Variants in PHC3 observed in about 807,000 individuals in gnomAD.
PHC3 encodes polyhomeotic-like protein 3.
PHC3 carries 13 observed loss-of-function variants against 107.4 expected under a neutral mutation model. The ratio of observed to expected loss-of-function variants is 0.12; its 90% CI spans 0.08 to 0.19. The LOEUF is 0.19. Among genes scored for constraint, PHC3 ranks in the 10% least tolerant of loss-of-function variants. PHC3 has a pLI of 1.00. For missense variants in PHC3, 992 were observed against 1,210.9 expected (o/e 0.82, Z 2.68); for synonymous variants, 456 against 427.4 (o/e 1.07, Z -0.83).
rs79070639 is a variant in PHC3, at chr3:170,096,188, ATTT to A, written c.*1039_*1041del. ...CCTTATTTTATAGGACAATTTGTAGATTTTTTTTCTTTTTCTAGTATGATTAAA... is the reference window on the plus strand; with the variant it reads ...CCTTATTTTATAGGACAATTTGTAGATTTTTCTTTTTCTAGTATGATTAAA... On this transcript the variant is annotated 3_prime_UTR_variant, in exon 15 of 15. Transcript: ENST00000495893. 9.9e-5 allele frequency: 15 copies of A among 151,962 alleles called. No homozygotes were observed. Among genetic ancestry groups the A allele is most frequent in the East Asian group, 1.9e-4 (1 of 5,164 alleles). The allele number at this position is 151,962 out of a possible 1,614,324, so 9.4% of individuals were successfully genotyped here. A position where few individuals can be genotyped will look rare whatever the true frequency, so the allele number is the denominator to read the frequency against.
intron 2 of PHC3, among the ~76,000 whole-genome samples, chr3:170,177,524 G>A (rs1436961104): frequency 6.6e-6 from 1 of 152,022 alleles, no homozygotes. Context: ...GCATTACCAT[G>A]CCTGGCTAAT....
chr3:170,123,261 T>C (rs143774196), intron 8 of PHC3, among the ~76,000 whole-genome samples: 26 of 152,206 alleles, frequency 1.7e-4, no homozygotes, highest in Middle Eastern at 3.4e-3. Flanking sequence ...CAAAAAAAGA[T>C]ACGCAATTAT....
intron 4 of PHC3, chr3:170,169,781 C>A (rs867100569): frequency 1.3e-5 from 2 of 152,112 alleles, no homozygotes; most frequent in African/African-American, 4.8e-5. Flanking sequence ...CATATCTATA[C>A]AAATACATCC....
chr3:170,126,266 TA>T (rs889528514), intron 8 of PHC3, among the ~76,000 whole-genome samples: 1 of 151,446 alleles, frequency 6.6e-6, no homozygotes, highest in Non-Finnish European at 1.5e-5. Context: ...TCAAAGGTAA[TA>T]AAAAAACAAG....
At chr3:170,139,452 G>C (rs1022136357) in intron 6 of PHC3, among the ~76,000 whole-genome samples, 1 of 152,166 alleles carries the variant, frequency 6.6e-6, no homozygotes, top group African/African-American at 2.4e-5. Context: ...AGACTGCATA[G>C]TAATGATAAC....
rs568322069 is a variant in PHC3 at position 170,159,831 on chromosome 3, T to C, written c.415-10587A>G. 3.3e-5 allele frequency among the ~76,000 whole-genome samples: 5 copies of C among 152,338 alleles called. No homozygotes were observed. In the South Asian group the frequency reaches 6.2e-4, roughly 19 times the overall value. ...GATAATGGAACTAACAACAGCCTTT[T>C]CTTCAGCAATACTAAAATTTTGAAA... On this transcript the variant is annotated intron_variant, in intron 4 of 14. Coordinates refer to ENST00000495893, the MANE Select transcript of PHC3 (RefSeq NM_024947.4).
In PHC3 at chr3:170,092,689, C is replaced by G. The variant is rs1449514207; in HGVS notation, c.*4541G>C. 2 of 152,192 alleles carry G rather than the reference C, an allele frequency of 1.3e-5. No individual in the cohort carries two copies. Among genetic ancestry groups the G allele is most frequent in the Non-Finnish European group, 2.9e-5 (2 of 68,028 alleles). The allele number at this position is 152,192 out of a possible 1,614,324, so 9.4% of individuals were successfully genotyped here. The stretch of plus-strand genomic sequence containing the variant: ...ACTGTGATATCTGAAAATGGAAACT[C>G]TGTAATTCTGGCAACTCAATTACAA... On this transcript the variant is annotated 3_prime_UTR_variant, in exon 15 of 15. Coordinates refer to ENST00000495893, the MANE Select transcript of PHC3 (RefSeq NM_024947.4).
chr3:170,104,102 T>C (rs956840424), intron 12 of PHC3, among the ~76,000 whole-genome samples: 56 of 152,144 alleles, frequency 3.7e-4, no homozygotes, highest in African/African-American at 1.3e-3. Flanking sequence ...AAAAAATAAA[T>C]AGAAAATATT....
At chr3:170,132,643 G>C (rs1451155260) in intron 7 of PHC3, among the ~76,000 whole-genome samples, 1 of 152,210 alleles carries the variant, frequency 6.6e-6, no homozygotes, top group Non-Finnish European at 1.5e-5. Context: ...ACCAGAAACT[G>C]AACACTGCCA....
At chr3:170,170,525 A>G (rs925899967) in intron 4 of PHC3, 5 of 152,006 alleles carry the variant, frequency 3.3e-5, no homozygotes, top group Non-Finnish European at 5.9e-5. Context: ...CACTGTATCA[A>G]TGTTATATTT....
At chr3:170,102,110 A>G in intron 14 of PHC3, 1 of 965,514 alleles carries the variant, frequency 1.0e-6, no homozygotes, top group Non-Finnish European at 1.2e-6. Flanking sequence ...TTAGGAAATA[A>G]GGAGGAATAG....
intron 6 of PHC3, among the ~76,000 whole-genome samples, chr3:170,144,220 A>C (rs1724589608): frequency 6.6e-6 from 1 of 151,774 alleles, no homozygotes; most frequent in Non-Finnish European, 1.5e-5. Flanking sequence ...GCGTGCCTGT[A>C]ATCCCAGCTA....
intron 8 of PHC3, among the ~76,000 whole-genome samples, chr3:170,126,541 T>TC: frequency 7.0e-6 from 1 of 142,734 alleles, no homozygotes; most frequent in Non-Finnish European, 1.5e-5. Flanking sequence ...TTTTTTTTTT[T>TC]TTCCTTTTTC....
At chr3:170,176,953 C>T (rs776087929) in intron 2 of PHC3, 1 of 453,388 alleles carries the variant, frequency 2.2e-6, no homozygotes, top group Non-Finnish European at 4.4e-6. Flanking sequence ...GGAATTCAAA[C>T]AAAGTATAAT....
intron 10 of PHC3, among the ~76,000 whole-genome samples, chr3:170,115,427 T>C (rs1455350693): frequency 6.6e-6 from 1 of 152,098 alleles, no homozygotes; most frequent in Non-Finnish European, 1.5e-5. Flanking sequence ...TATATGTACA[T>C]ATATACAATA....
intron 4 of PHC3, among the ~76,000 whole-genome samples, chr3:170,153,392 A>T (rs956333995): frequency 2.0e-5 from 3 of 152,184 alleles, no homozygotes; most frequent in African/African-American, 7.2e-5. Context: ...CTGCAAACTG[A>T]TACCTCTTAC....
At chr3:170,141,211 T>G (rs999053473) in intron 6 of PHC3, among the ~76,000 whole-genome samples, 1 of 152,236 alleles carries the variant, frequency 6.6e-6, no homozygotes, top group African/African-American at 2.4e-5. Flanking sequence ...AAAACAGTCT[T>G]GAACTTGACG....
At chr3:170,163,943 T>C (rs1728327634) in intron 4 of PHC3, among the ~76,000 whole-genome samples, 1 of 149,732 alleles carries the variant, frequency 6.7e-6, no homozygotes, top group Non-Finnish European at 1.5e-5. Flanking sequence ...CTCACGCCTA[T>C]AATCTCAGCA....
chr3:170,133,264 C>T (rs966618442), intron 7 of PHC3, among the ~76,000 whole-genome samples: 6 of 151,556 alleles, frequency 4.0e-5, no homozygotes, highest in East Asian at 1.9e-4. Context: ...CTGCAACCTC[C>T]GCCTCCCAGG....
Sources: allele counts gnomAD v4.1 joint callset (sites outside exome capture counted in the v4.1 genomes callset), GRCh38; gene constraint gnomAD v4.1.1; transcripts MANE v1.5; gene names NCBI Gene and HGNC (gene_info 2026-07-23, HGNC 2026-07-21).